Variants in STK3 observed in about 807,000 individuals in gnomAD.
STK3 encodes the protein serine/threonine kinase 3, also known as serine/threonine-protein kinase 3.
A neutral mutation model predicts 58.0 loss-of-function variants in STK3; 41 were observed. The ratio of observed to expected loss-of-function variants is 0.71; its 90% CI spans 0.55 to 0.92. STK3 has a LOEUF of 0.92. Ranked by LOEUF, STK3 falls within the 40% of genes least tolerant of loss-of-function variation. STK3 has a pLI of 0.00. For missense variants in STK3, 479 were observed against 602.7 expected (o/e 0.79, Z 2.15); for synonymous variants, 170 against 191.0 (o/e 0.89, Z 0.91).
chr8:98,561,031 G>A (rs1811971815), intron 8 of STK3, among the ~76,000 whole-genome samples: 1 of 151,824 alleles, frequency 6.6e-6, no homozygotes, highest in African/African-American at 2.4e-5. Context: ...AAGATGCCGT[G>A]TCCAAAAAAG....
intron 3 of STK3, among the ~76,000 whole-genome samples, chr8:98,835,343 TTG>T (rs1222120288): frequency 1.3e-5 from 2 of 152,216 alleles, no homozygotes; most frequent in Non-Finnish European, 2.9e-5. Flanking sequence ...ATGGTAAACT[TTG>T]TCAGTGGACA....
chr8:98,547,732 C>T (rs576415377), intron 9 of STK3, among the ~76,000 whole-genome samples: 1 of 152,224 alleles, frequency 6.6e-6, no homozygotes, highest in Admixed American at 6.5e-5. Context: ...CGTGGGTTAG[C>T]AACCTTCAAC....
intron 6 of STK3, among the ~76,000 whole-genome samples, chr8:98,625,752 G>A (rs1345071692): frequency 1.3e-5 from 2 of 152,166 alleles, no homozygotes; most frequent in African/African-American, 4.8e-5. Flanking sequence ...TTTCTTCCCT[G>A]TTTTAAAGTT....
chr8:98,576,424 C>A (rs1205842268), intron 8 of STK3, among the ~76,000 whole-genome samples: 1 of 152,088 alleles, frequency 6.6e-6, no homozygotes, highest in Non-Finnish European at 1.5e-5. Context: ...GACTTTTCCT[C>A]TTCTGCAAAA....
chr8:98,864,380 A>G (rs1380283665), intron 3 of STK3, among the ~76,000 whole-genome samples: 1 of 152,146 alleles, frequency 6.6e-6, no homozygotes, highest in Non-Finnish European at 1.5e-5. Context: ...AACAAGAACG[A>G]CTAAGTCTCT....
At chr8:98,393,455 A>G (rs1817867147) in intron 3 of STK3, among the ~76,000 whole-genome samples, 3 of 151,894 alleles carry the variant, frequency 2.0e-5, no homozygotes, top group African/African-American at 7.3e-5. Context: ...CAAGAGGTGG[A>G]CTCCTCATCT....
chr8:98,602,838 G>A (rs1248024539), intron 6 of STK3, among the ~76,000 whole-genome samples: 1 of 145,450 alleles, frequency 6.9e-6, no homozygotes, highest in East Asian at 2.0e-4. Flanking sequence ...AAAGATCTGA[G>A]AAATCAGTAA....
chr8:98,734,049 G>A (rs1828394423), intron 4 of STK3, among the ~76,000 whole-genome samples: 2 of 152,102 alleles, frequency 1.3e-5, no homozygotes, highest in Non-Finnish European at 2.9e-5. Flanking sequence ...GGCACAGCGG[G>A]AGAGAGGATG....
chr8:98,700,335 C>T (rs993035838), intron 6 of STK3, among the ~76,000 whole-genome samples: 1 of 152,350 alleles, frequency 6.6e-6, no homozygotes, highest in Non-Finnish European at 1.5e-5. Context: ...GGCAATGCCT[C>T]GCCCTGCTTC....
chr8:98,402,587 T>C (rs1817954625), intron 3 of STK3, among the ~76,000 whole-genome samples: 1 of 152,176 alleles, frequency 6.6e-6, no homozygotes. Context: ...GAGGGGGCCC[T>C]GCTGTCCTGG....
chr8:98,843,739 G>A (rs780374866), intron 3 of STK3, among the ~76,000 whole-genome samples: 4 of 152,228 alleles, frequency 2.6e-5, no homozygotes, highest in Non-Finnish European at 5.9e-5. Flanking sequence ...GATGGAAGCC[G>A]TGCCTGGTGG....
At chr8:98,556,270 T>A (rs1463030844) in intron 8 of STK3, among the ~76,000 whole-genome samples, 1 of 152,092 alleles carries the variant, frequency 6.6e-6, no homozygotes, top group African/African-American at 2.4e-5. Context: ...CCCAGGTGCC[T>A]GATAGAAACA....
intron 1 of STK3, among the ~76,000 whole-genome samples, chr8:98,893,524 GAAAGAAAGAAAGAA>G (rs1838332341): frequency 3.7e-5 from 5 of 136,374 alleles, no homozygotes; most frequent in South Asian, 4.7e-4. Context: ...AAGAAAGAAA[GAAAGAAAGAAAGAA>G]AAAGAAAGAG....
chr8:98,822,118 G>A (rs1834949729), intron 1 of STK3, among the ~76,000 whole-genome samples: 1 of 152,138 alleles, frequency 6.6e-6, no homozygotes, highest in Admixed American at 6.5e-5. Context: ...GCATGTATGG[G>A]AAGGACAAAT....
At chr8:98,396,553 C>T (rs1817898575), downstream of STK3, among the ~76,000 whole-genome samples, 1 of 152,224 alleles carries the variant, frequency 6.6e-6, no homozygotes, top group Non-Finnish European at 1.5e-5. Flanking sequence ...TGAAGGGCCT[C>T]TGCCATTGAG....
intron 1 of STK3, among the ~76,000 whole-genome samples, chr8:98,794,930 G>A (rs1488498145): frequency 6.6e-6 from 1 of 151,010 alleles, no homozygotes; most frequent in Non-Finnish European, 1.5e-5. Context: ...AGCCAGGCGT[G>A]GTGGTGCATG....
chr8:98,525,835 G>A (rs1028593626), intron 10 of STK3, among the ~76,000 whole-genome samples: 4 of 151,792 alleles, frequency 2.6e-5, no homozygotes, highest in African/African-American at 9.7e-5. Flanking sequence ...AGCATTTAGA[G>A]TCATGTTGTC....
chr8:98,355,764 T>G, the STK3 span, among the ~76,000 whole-genome samples: 12 of 152,218 alleles, frequency 7.9e-5, 1 homozygote, highest in Admixed American at 4.6e-4. Flanking sequence ...ACAAGATGGA[T>G]GTAATACCCA....
chr8:98,652,404 T>C (rs1244462169), intron 6 of STK3, among the ~76,000 whole-genome samples: 3 of 152,166 alleles, frequency 2.0e-5, no homozygotes, highest in African/African-American at 4.8e-5. Context: ...CCACCAATGC[T>C]AGGAAGAAAC....
Sources: gnomAD v4.1 joint callset for allele counts (sites outside exome capture counted in the v4.1 genomes callset) on GRCh38, gnomAD v4.1.1 for gene constraint, MANE v1.5 for transcripts, NCBI Gene and HGNC (gene_info 2026-07-23, HGNC 2026-07-21) for gene names.